EPB41L4B: variants seen among roughly 807,000 people sequenced by gnomAD.
The protein encoded by EPB41L4B is erythrocyte membrane protein band 4.1 like 4B, also known as band 4.1-like protein 4B.
In EPB41L4B, 30 loss-of-function variants were observed where a neutral mutation model predicts 112.5. The ratio of observed to expected loss-of-function variants is 0.27; its 90% CI spans 0.20 to 0.36. EPB41L4B has a LOEUF of 0.36. Among genes scored for constraint, EPB41L4B ranks in the 10% least tolerant of loss-of-function variants. EPB41L4B has a pLI of 1.00. For synonymous variants in EPB41L4B, 408 were observed against 439.7 expected (o/e 0.93, Z 0.90); for missense variants, 1,024 against 1,133.3 (o/e 0.90, Z 1.38).
rs1372844367 is a variant in EPB41L4B, at chr9:109,203,676, C to T, written c.1933G>A (p.Asp645Asn). ...GGAGCAACAGACCTTACACTAGCGT[C>T]CTGAAGACTGGATTTCTTATTGATA... Reference protein sequence around the residue: ...VNINKKSSLQDASVRSPIPIR... With the variant: ...VNINKKSSLQNASVRSPIPIR... Residue 645 changes from aspartate to asparagine, a missense_variant, in exon 19 of 26, where the codon GAC becomes AAC. Asp to Asn is a conservative substitution (Grantham distance 23). Coordinates refer to ENST00000374566, the MANE Select transcript of EPB41L4B (RefSeq NM_019114.5). 3 of 1,613,658 alleles carry T rather than the reference C, an allele frequency of 1.9e-6. No individual in the cohort carries two copies. The highest frequency in any genetic ancestry group is 2.7e-5 in the African/African-American group (2 of 75,030).
chr9:109,195,221 T>A (rs2118707702), intron 20 of EPB41L4B, among the ~76,000 whole-genome samples: 1 of 152,276 alleles, frequency 6.6e-6, no homozygotes, highest in East Asian at 1.9e-4. Flanking sequence ...GGGTTGTGAT[T>A]TAGAATGATG....
rs375335348 is a variant in EPB41L4B, at chr9:109,185,622, G to A, written c.2302-17C>T. ...GGGCTCTGCCTGCTCACGAGGAGAG[G>A]AGAGAAGGGGAGGAGGAGGTGGCAA... On this transcript the variant is annotated splice_polypyrimidine_tract_variant and intron_variant, in intron 22 of 25. Transcript: ENST00000374566. 1.1e-5 allele frequency: 18 copies of A among 1,584,090 alleles called. No homozygotes were observed. In the African/African-American group the frequency reaches 1.3e-4, roughly 12 times the overall value.
chr9:109,286,189 ATGGG>A (rs1588210273), intron 1 of EPB41L4B, among the ~76,000 whole-genome samples: 10 of 150,170 alleles, frequency 6.7e-5, no homozygotes, highest in East Asian at 2.0e-4. Flanking sequence ...GGATGGATGG[ATGGG>A]TGGATGGATG....
chr9:109,183,940 G>C lies in EPB41L4B; in HGVS notation c.2419-1143C>G, dbSNP rs529262054. Among the ~76,000 whole-genome samples, 6 of 152,354 alleles carry C rather than the reference G, an allele frequency of 3.9e-5. No homozygotes were observed. In the East Asian group the frequency reaches 9.7e-4, roughly 25 times the overall value. On this transcript the variant is annotated intron_variant, in intron 23 of 25. Coordinates refer to ENST00000374566, the MANE Select transcript of EPB41L4B (RefSeq NM_019114.5). ...GTAAAGCAAGTCTCCCCCATGTGGG[G>C]ATGACAATATCCTTGCCACGTGTAC...
chr9:109,294,672 CTGTG>C (rs56261244), intron 1 of EPB41L4B, among the ~76,000 whole-genome samples: 28,181 of 147,830 alleles, frequency 0.19, 2,950 homozygotes, highest in East Asian at 0.26. Flanking sequence ...GATATTGTGG[CTGTG>C]TGTGTGTGTG....
At chr9:109,211,088 G>A (rs1833149380) in intron 17 of EPB41L4B, among the ~76,000 whole-genome samples, 1 of 152,130 alleles carries the variant, frequency 6.6e-6, no homozygotes, top group African/African-American at 2.4e-5. Context: ...CTTTGGAACT[G>A]GACAGTGAAA....
rs181227716 is a variant in EPB41L4B, at chr9:109,218,629, G to A, written c.1410-1484C>T. Among the ~76,000 whole-genome samples, 56 of 151,078 alleles carry A rather than the reference G, an allele frequency of 3.7e-4. No homozygotes were observed. In the East Asian group the frequency reaches 0.011, roughly 29 times the overall value. ...TGTGGCACTGACAGCACCTCCCCCCGCCCCCAGTCTTGGCCCTTTCTCTTT... is the reference window on the plus strand; with the variant it reads ...TGTGGCACTGACAGCACCTCCCCCCACCCCCAGTCTTGGCCCTTTCTCTTT... On this transcript the variant is annotated intron_variant, in intron 15 of 25. Transcript: ENST00000374566.
At chr9:109,298,340 G>A (rs1378679672) in intron 1 of EPB41L4B, among the ~76,000 whole-genome samples, 2 of 142,680 alleles carry the variant, frequency 1.4e-5, no homozygotes, top group Non-Finnish European at 3.0e-5. Context: ...CCAAGACAAG[G>A]TCTTGCTCTG....
At chr9:109,306,631 C>A (rs945429587) in intron 1 of EPB41L4B, among the ~76,000 whole-genome samples, 8 of 149,146 alleles carry the variant, frequency 5.4e-5, no homozygotes, top group Admixed American at 2.0e-4. Context: ...AACAAACAAA[C>A]AAACAAAAAA....
In EPB41L4B at chr9:109,318,640, T is replaced by A. The variant is rs1336857290; in HGVS notation, c.306+1501A>T. Reference sequence around the variant, plus strand: ...CCAGAGGCAGCCTGCTCCCCTCTCCTCCTCCCCGGCTCCTCAGGCCTCCTC... The same window carrying A: ...CCAGAGGCAGCCTGCTCCCCTCTCCACCTCCCCGGCTCCTCAGGCCTCCTC... On this transcript the variant is annotated intron_variant, in intron 1 of 25. Transcript: ENST00000374566. 2.0e-5 allele frequency among the ~76,000 whole-genome samples: 3 copies of A among 151,808 alleles called. No individual in the cohort carries two copies. The South Asian group carries it at 6.3e-4, about 32-fold the overall frequency.
intron 22 of EPB41L4B, among the ~76,000 whole-genome samples, chr9:109,192,003 C>T (rs945315063): frequency 1.3e-5 from 2 of 152,184 alleles, no homozygotes; most frequent in African/African-American, 2.4e-5. Flanking sequence ...AACAAAACAC[C>T]GAGGAGCCCT....
At position 109,192,342 on chromosome 9, in the gene EPB41L4B, C is replaced by T. The variant is rs201059767; in HGVS notation, c.2237G>A (p.Arg746Gln). 158 of 1,611,552 alleles carry T rather than the reference C, an allele frequency of 9.8e-5. No homozygotes were observed. The highest frequency in any genetic ancestry group is 1.2e-4 in the Non-Finnish European group (140 of 1,178,878). ...LSPGAKSPSD[R>Q]GGAFTLEPGD... ...CGGCTCCAGGGTAAAGGCACCTCCT[C>T]GGTCAGAGGGGCTCTAGGGAGACAG... The change falls in exon 22 of 26, where the codon CGA becomes CAA. Residue 746 changes from arginine to glutamine, a missense_variant. By Grantham distance (43) the Arg-to-Gln change is conservative. Coordinates refer to ENST00000374566, the MANE Select transcript of EPB41L4B (RefSeq NM_019114.5).
chr9:109,297,777 C>T (rs1836793751), intron 1 of EPB41L4B, among the ~76,000 whole-genome samples: 1 of 152,220 alleles, frequency 6.6e-6, no homozygotes, highest in African/African-American at 2.4e-5. Flanking sequence ...AGTCTTGAAC[C>T]CCAAGCTCCT....
chr9:109,192,906 G>A (rs1475730705), intron 21 of EPB41L4B, among the ~76,000 whole-genome samples: 3 of 152,156 alleles, frequency 2.0e-5, no homozygotes, highest in Non-Finnish European at 4.4e-5. Flanking sequence ...TTCAAGCAAG[G>A]CCCCAAGGAG....
intron 1 of EPB41L4B, among the ~76,000 whole-genome samples, chr9:109,290,383 T>C (rs1836478298): frequency 6.6e-6 from 1 of 152,192 alleles, no homozygotes; most frequent in South Asian, 2.1e-4. Flanking sequence ...GTCAGATGCT[T>C]AATAAAAATA....
intron 2 of EPB41L4B, among the ~76,000 whole-genome samples, chr9:109,274,650 T>G (rs561085360): frequency 5.9e-5 from 9 of 152,252 alleles, no homozygotes; most frequent in South Asian, 2.1e-4. Context: ...CTTTCTTCCT[T>G]CTATATATGT....
intron 24 of EPB41L4B, among the ~76,000 whole-genome samples, chr9:109,179,573 C>T (rs1564246649): frequency 6.6e-6 from 1 of 152,132 alleles, no homozygotes; most frequent in Non-Finnish European, 1.5e-5. Context: ...TCATTGTGTC[C>T]ACCTGGATGT....
intron 15 of EPB41L4B, among the ~76,000 whole-genome samples, chr9:109,221,912 T>C (rs1033997092): frequency 6.6e-6 from 1 of 152,202 alleles, no homozygotes; most frequent in Admixed American, 6.5e-5. Context: ...TTGCACTCTC[T>C]GCTTGGAGTG....
intron 15 of EPB41L4B, among the ~76,000 whole-genome samples, chr9:109,233,034 C>T (rs1484663942): frequency 6.6e-6 from 1 of 152,172 alleles, no homozygotes; most frequent in Non-Finnish European, 1.5e-5. Context: ...ACACCTCTTG[C>T]TTTTGAGGTC....
Sources: gnomAD v4.1 joint callset for allele counts (sites outside exome capture counted in the v4.1 genomes callset) on GRCh38, gnomAD v4.1.1 for gene constraint, MANE v1.5 for transcripts, NCBI Gene and HGNC (gene_info 2026-07-23, HGNC 2026-07-21) for gene names.